Variants in RNF216 observed in about 807,000 individuals in gnomAD.
The protein encoded by RNF216 is ring finger protein 216.
Under a neutral mutation model 110.8 loss-of-function variants are expected in RNF216, and 72 were observed. The ratio of observed to expected loss-of-function variants is 0.65; its 90% CI spans 0.54 to 0.79. The LOEUF is 0.79. RNF216 is among the 30% of genes least tolerant of loss of function. RNF216 has a pLI of 0.00. For synonymous variants in RNF216, 495 were observed against 407.5 expected, an observed-to-expected ratio of 1.21 and a Z score of -2.59; for missense variants, 1,342 against 1,141.2, an observed-to-expected ratio of 1.18 and a Z score of -2.54.
At chr7:5,781,249 G>A (rs2128689950) in intron 1 of RNF216, among the ~76,000 whole-genome samples, 1 of 152,242 alleles carries the variant, frequency 6.6e-6, no homozygotes, top group South Asian at 2.1e-4. Context: ...CCCTCGCGCA[G>A]CAGACCCGAG....
intron 13 of RNF216, among the ~76,000 whole-genome samples, chr7:5,708,020 C>T (rs1005240493): frequency 1.3e-5 from 2 of 152,148 alleles, no homozygotes; most frequent in African/African-American, 2.4e-5. Flanking sequence ...AGCCACCATG[C>T]CCGGACAGTG....
At chr7:5,673,260 C>T (rs775325017) in intron 13 of RNF216, among the ~76,000 whole-genome samples, 2 of 152,190 alleles carry the variant, frequency 1.3e-5, no homozygotes. Flanking sequence ...GGCCTCTCCC[C>T]GCCCACCTAT....
intron 13 of RNF216, among the ~76,000 whole-genome samples, chr7:5,686,657 G>T (rs1333602957): frequency 1.3e-5 from 2 of 152,190 alleles, no homozygotes; most frequent in Non-Finnish European, 2.9e-5. Flanking sequence ...GGGTTTGGAA[G>T]ATTTGTCAAA....
intron 13 of RNF216, among the ~76,000 whole-genome samples, chr7:5,688,802 T>C (rs188299537): frequency 9.0e-4 from 137 of 152,348 alleles, no homozygotes; most frequent in Non-Finnish European, 1.3e-3. Context: ...TATTTAGCTT[T>C]CTTATTAGTG....
intron 5 of RNF216, among the ~76,000 whole-genome samples, chr7:5,735,000 A>G (rs1374920453): frequency 6.6e-6 from 1 of 151,454 alleles, no homozygotes; most frequent in African/African-American, 2.4e-5. Context: ...AAAATACAAA[A>G]ACTAGCTGGG....
At chr7:5,646,197 CTT>C (rs1788038115) in intron 14 of RNF216, among the ~76,000 whole-genome samples, 1 of 152,134 alleles carries the variant, frequency 6.6e-6, no homozygotes, top group African/African-American at 2.4e-5. Context: ...TGTTTAGTGA[CTT>C]TTAAAAATTA....
At chr7:5,766,336 A>G (rs1400266279) in intron 1 of RNF216, among the ~76,000 whole-genome samples, 2 of 152,152 alleles carry the variant, frequency 1.3e-5, no homozygotes, top group Non-Finnish European at 2.9e-5. Context: ...AGTCTAGAGG[A>G]TGAGTGATGC....
intron 13 of RNF216, among the ~76,000 whole-genome samples, chr7:5,672,816 G>A (rs1205290633): frequency 1.3e-5 from 2 of 152,110 alleles, no homozygotes; most frequent in African/African-American, 2.4e-5. Context: ...GTAGAGCACT[G>A]GGAGGCGAGG....
chr7:5,776,399 C>T (rs903673883), intron 1 of RNF216, among the ~76,000 whole-genome samples: 8 of 149,484 alleles, frequency 5.4e-5, no homozygotes, highest in East Asian at 2.0e-4. Context: ...CTGGCTAACA[C>T]GGTGAAACCC....
chr7:5,661,605 C>T (rs748708055), intron 13 of RNF216, among the ~76,000 whole-genome samples: 1 of 152,220 alleles, frequency 6.6e-6, no homozygotes. Flanking sequence ...GAGTTTGAGA[C>T]CAGCCTGGCC....
In RNF216 at chr7:5,718,783, G is replaced by A. The variant is rs555361502; in HGVS notation, c.1645-2017C>T. On this transcript the variant is annotated intron_variant, in intron 9 of 16. Coordinates refer to ENST00000389902, the MANE Select transcript of RNF216 (RefSeq NM_207111.4). ...GCTGGTCTGTAACTCCTGATCTCAG[G>A]TGATCTGCCCACCTCGGCCTTCCAA... Among the ~76,000 whole-genome samples the A allele has an allele frequency of 1.1e-4, 17 of 152,150 alleles. No individual in the cohort carries two copies. The South Asian group carries it at 3.3e-3, about 30-fold the overall frequency.
rs1405391946 is a variant in RNF216, at chr7:5,740,982, C to A, written c.1035G>T (p.Val345=). The change falls in exon 4 of 17, where the codon GTG becomes GTT. Residue 345 remains valine (V), a synonymous_variant. Coordinates refer to ENST00000389902, the MANE Select transcript of RNF216 (RefSeq NM_207111.4). ...EVDQELVELL[V]KETEARFPDV... Reference sequence around the variant, plus strand: ...ATAAAATAAAACTTACCGTTTCTTTCACTAGTAGTTCAACGAGCTCTTGAT... The same window carrying A: ...ATAAAATAAAACTTACCGTTTCTTTAACTAGTAGTTCAACGAGCTCTTGAT... 2 of 1,597,708 alleles carry A rather than the reference C, an allele frequency of 1.3e-6. No individual in the cohort carries two copies. The highest frequency in any genetic ancestry group is 3.6e-5 in the Admixed American group (2 of 55,766).
intron 14 of RNF216, among the ~76,000 whole-genome samples, chr7:5,646,489 C>T (rs1047562248): frequency 6.6e-6 from 1 of 151,890 alleles, no homozygotes; most frequent in African/African-American, 2.4e-5. Flanking sequence ...GTCCGGAGAT[C>T]GAGACTATCC....
chr7:5,625,780 CCTT>C (rs1400761888), intron 15 of RNF216, among the ~76,000 whole-genome samples: 2 of 152,114 alleles, frequency 1.3e-5, no homozygotes, highest in Non-Finnish European at 2.9e-5. Flanking sequence ...TAACACATTC[CCTT>C]GGTTTGGTAG....
chr7:5,672,471 G>A (rs1341086065), intron 13 of RNF216, among the ~76,000 whole-genome samples: 1 of 152,186 alleles, frequency 6.6e-6, no homozygotes, highest in Non-Finnish European at 1.5e-5. Context: ...ACATGATGTA[G>A]TGCTTGTAGC....
Position 5,623,013 on chromosome 7 carries a change from G to A in RNF216, c.2619C>T (p.Phe873=). Residue 873 remains phenylalanine (F), a synonymous_variant, in exon 17 of 17, where the codon TTC becomes TTT. Coordinates refer to ENST00000389902, the MANE Select transcript of RNF216 (RefSeq NM_207111.4). ...GCCCCATGTTGAGTGGGAAGTTGTT[G>A]AACACAGGCCGCACGGGAGGCAGGG... The part of the protein sequence containing the change: ...PFPLPPVRPV[F]NNFPLNMGPI... 1 of 1,614,106 alleles carries A rather than the reference G, an allele frequency of 6.2e-7. No individual in the cohort carries two copies. The highest frequency in any genetic ancestry group is 8.5e-7 in the Non-Finnish European group (1 of 1,180,014).
intron 15 of RNF216, among the ~76,000 whole-genome samples, chr7:5,626,339 C>T (rs181252082): frequency 5.3e-4 from 81 of 151,434 alleles, no homozygotes; most frequent in Admixed American, 2.4e-3. Context: ...AAGGTAGATG[C>T]TATCAACTCT....
intron 12 of RNF216, among the ~76,000 whole-genome samples, chr7:5,712,451 C>T (rs2128630021): frequency 2.0e-5 from 3 of 149,042 alleles, no homozygotes; most frequent in East Asian, 3.9e-4. Flanking sequence ...CCAGCCTGGG[C>T]GACAGAGCGA....
intron 13 of RNF216, among the ~76,000 whole-genome samples, chr7:5,665,084 C>G (rs1225068620): frequency 6.6e-6 from 1 of 152,198 alleles, no homozygotes; most frequent in African/African-American, 2.4e-5. Flanking sequence ...AGGCACGAAC[C>G]ACCGCACCCA....
Sources: gnomAD v4.1 joint callset for allele counts (sites outside exome capture counted in the v4.1 genomes callset) on GRCh38, gnomAD v4.1.1 for gene constraint, MANE v1.5 for transcripts, NCBI Gene and HGNC (gene_info 2026-07-23, HGNC 2026-07-21) for gene names.